ANKFN1: variants seen among roughly 807,000 people sequenced by gnomAD.
ANKFN1 encodes ankyrin repeat and fibronectin type III domain containing 1, also known as ankyrin repeat and fibronectin type-III domain-containing protein 1.
A neutral mutation model predicts 108.7 loss-of-function variants in ANKFN1; 74 were observed. That is an observed-to-expected ratio of 0.68 (90% CI 0.56 to 0.83). ANKFN1 has a LOEUF of 0.83. Among genes scored for constraint, ANKFN1 ranks in the 40% least tolerant of loss-of-function variants. ANKFN1 has a pLI of 0.00. For synonymous variants in ANKFN1, 547 were observed against 516.2 expected (o/e 1.06, Z -0.81); for missense variants, 1,505 against 1,382.3 (o/e 1.09, Z -1.41).
intron 18 of ANKFN1, among the ~76,000 whole-genome samples, chr17:56,483,539 G>T (rs2050774595): frequency 6.6e-6 from 1 of 152,194 alleles, no homozygotes; most frequent in African/African-American, 2.4e-5. Context: ...CCCAAAAACT[G>T]ATGAACAGCA....
At chr17:56,359,009 A>T (rs966119150) in intron 6 of ANKFN1, among the ~76,000 whole-genome samples, 2 of 152,182 alleles carry the variant, frequency 1.3e-5, no homozygotes, top group South Asian at 4.1e-4. Flanking sequence ...GACCCCATAG[A>T]TAGTAATCAT....
Position 56,511,957 on chromosome 17 carries a change from T to C in ANKFN1, c.*688T>C, listed in dbSNP as rs1258680242. 6.6e-6 allele frequency among the ~76,000 whole-genome samples: 1 copy of C among 152,120 alleles called. No homozygotes were observed. The highest frequency in any genetic ancestry group is 1.5e-5 in the Non-Finnish European group (1 of 68,012). On this transcript the variant is annotated 3_prime_UTR_variant, in exon 21 of 21. Transcript: ENST00000682825. The stretch of plus-strand genomic sequence containing the variant: ...CAAAAGTGGAGAATTCTCTTTCAGC[T>C]CTACCTTGCAAAGATAGAATAGGAC...
chr17:56,353,624 A>G (rs1458472886), intron 5 of ANKFN1, among the ~76,000 whole-genome samples: 1 of 152,136 alleles, frequency 6.6e-6, no homozygotes, highest in South Asian at 2.1e-4. Context: ...GCTATCCTGT[A>G]TTCTCTCAGT....
chr17:56,386,194 C>A (rs1282641630), intron 8 of ANKFN1, among the ~76,000 whole-genome samples: 1 of 151,582 alleles, frequency 6.6e-6, no homozygotes, highest in African/African-American at 2.4e-5. Context: ...AACTGGAAAT[C>A]ATCATTCTCA....
intron 4 of ANKFN1, among the ~76,000 whole-genome samples, chr17:56,343,822 T>A (rs1409330354): frequency 6.6e-6 from 1 of 152,022 alleles, no homozygotes; most frequent in Non-Finnish European, 1.5e-5. Context: ...TGTTTGCTGA[T>A]TCTTTCCTCT....
At chr17:56,356,288 A>T (rs2046375353) in intron 6 of ANKFN1, among the ~76,000 whole-genome samples, 1 of 152,110 alleles carries the variant, frequency 6.6e-6, no homozygotes, top group Non-Finnish European at 1.5e-5. Context: ...AAACTCTCTG[A>T]CCCATTGACC....
chr17:56,476,029 C>T (rs1257799384), intron 15 of ANKFN1, among the ~76,000 whole-genome samples: 2 of 152,056 alleles, frequency 1.3e-5, no homozygotes, highest in Non-Finnish European at 2.9e-5. Flanking sequence ...CATGGCAGAG[C>T]GGGAGAAAGA....
chr17:56,347,514 A>G lies in ANKFN1; in HGVS notation c.189-3252A>G, dbSNP rs982879086. Among the ~76,000 whole-genome samples the G allele has an allele frequency of 3.9e-5, 6 of 152,182 alleles. No individual in the cohort carries two copies. In the South Asian group the frequency reaches 8.3e-4, roughly 21 times the overall value. On this transcript the variant is annotated intron_variant, in intron 4 of 20. Coordinates refer to ENST00000682825, the MANE Select transcript of ANKFN1 (RefSeq NM_001370326.1). Reference sequence around the variant, plus strand: ...TTCCAATTGGGTCTACCAAATCCCAAAACTAAAGCTACACTGATTCTCAAA... The same window carrying G: ...TTCCAATTGGGTCTACCAAATCCCAGAACTAAAGCTACACTGATTCTCAAA...
At chr17:56,417,030 G>A (rs2048260012) in intron 8 of ANKFN1, among the ~76,000 whole-genome samples, 1 of 151,906 alleles carries the variant, frequency 6.6e-6, no homozygotes, top group South Asian at 2.1e-4. Flanking sequence ...CATAGAGATA[G>A]AGAATAGAAG....
intron 8 of ANKFN1, among the ~76,000 whole-genome samples, chr17:56,412,159 C>G (rs2048111866): frequency 6.6e-6 from 1 of 152,152 alleles, no homozygotes; most frequent in Non-Finnish European, 1.5e-5. Flanking sequence ...AATTTCCATA[C>G]TCATTTTTGG....
intron 6 of ANKFN1, among the ~76,000 whole-genome samples, chr17:56,370,690 C>T (rs1224072906): frequency 6.6e-6 from 1 of 152,140 alleles, no homozygotes; most frequent in Non-Finnish European, 1.5e-5. Flanking sequence ...GACGCCTAAC[C>T]TATGTCTAAA....
At chr17:56,204,012 C>CTGTT (rs3085316) in intron 1 of ANKFN1, among the ~76,000 whole-genome samples, 145 of 150,880 alleles carry the variant, frequency 9.6e-4, no homozygotes, top group Non-Finnish European at 1.7e-3. Flanking sequence ...AAATCAGGCA[C>CTGTT]TGTTTGTTTG....
chr17:56,459,387 A>G (rs2049828172), intron 14 of ANKFN1, among the ~76,000 whole-genome samples: 1 of 152,108 alleles, frequency 6.6e-6, no homozygotes, highest in Admixed American at 6.6e-5. Flanking sequence ...CTGGGAGTAC[A>G]GGCATGAGCC....
chr17:56,449,042 T>C (rs1025043389), intron 10 of ANKFN1, 37 bp from the exon 11 acceptor site: 2 of 1,593,222 alleles, frequency 1.3e-6, no homozygotes, highest in Non-Finnish European at 1.7e-6. Context: ...CTCCCCTGTT[T>C]TAAAATTTCA....
At chr17:56,458,258 AT>A (rs1361658364) in intron 14 of ANKFN1, among the ~76,000 whole-genome samples, 1 of 152,112 alleles carries the variant, frequency 6.6e-6, no homozygotes, top group Non-Finnish European at 1.5e-5. Context: ...TGAGTTCTAG[AT>A]TTGATATTAG....
intron 8 of ANKFN1, among the ~76,000 whole-genome samples, chr17:56,391,368 ATGTGTGTGTGTGTGTGTGTG>A (rs199687714): frequency 1.6e-5 from 2 of 128,714 alleles, no homozygotes; most frequent in Non-Finnish European, 3.2e-5. Context: ...ACATATATAT[ATGTGTGTGTGTGTGTGTGTG>A]TGTGTGTGTG....
intron 4 of ANKFN1, among the ~76,000 whole-genome samples, chr17:56,132,333 G>A (rs1439753230): frequency 1.3e-5 from 2 of 152,080 alleles, no homozygotes; most frequent in Non-Finnish European, 2.9e-5. Context: ...TGTTTGAGAC[G>A]TGTGACCTGG....
intron 3 of ANKFN1, among the ~76,000 whole-genome samples, chr17:56,280,898 G>C (rs369688395): frequency 6.6e-6 from 1 of 152,102 alleles, no homozygotes; most frequent in African/African-American, 2.4e-5. Context: ...GAATCATGGG[G>C]GTAGGTCTTT....
chr17:56,270,924 C>A (rs971419754), intron 3 of ANKFN1, among the ~76,000 whole-genome samples: 1 of 152,172 alleles, frequency 6.6e-6, no homozygotes, highest in Admixed American at 6.5e-5. Context: ...CCCTAACTTG[C>A]TCTTTAATGT....
Sources: allele counts gnomAD v4.1 joint callset (sites outside exome capture counted in the v4.1 genomes callset), GRCh38; gene constraint gnomAD v4.1.1; transcripts MANE v1.5; gene names NCBI Gene and HGNC (gene_info 2026-07-23, HGNC 2026-07-21).